Variants in EP400 observed in about 807,000 individuals in gnomAD.
The protein encoded by EP400 is E1A-binding protein p400.
A neutral mutation model predicts 354.1 loss-of-function variants in EP400; 105 were observed. The observed-to-expected ratio is 0.30, with a 90% CI of 0.25 to 0.35. EP400 has a LOEUF of 0.35. EP400 is among the 10% of genes least tolerant of loss of function. EP400 has a pLI of 1.00. For synonymous variants in EP400, 1,646 were observed against 1,716.9 expected (o/e 0.96, Z 1.02); for missense variants, 3,280 against 4,121.0 (o/e 0.80, Z 5.59).
rs1347432577 is a variant in EP400, at chr12:132,038,896, C to T, written c.6207+800C>T. 6.6e-6 allele frequency among the ~76,000 whole-genome samples: 1 copy of T among 152,230 alleles called. No homozygotes were observed. Among genetic ancestry groups the T allele is most frequent in the Non-Finnish European group, 1.5e-5 (1 of 68,050 alleles). On this transcript the variant is annotated intron_variant, in intron 32 of 52. Coordinates refer to ENST00000389561, the MANE Select transcript of EP400 (RefSeq NM_015409.5). The surrounding 1 kb of genome is among the most constrained non-coding windows in gnomAD (Gnocchi z 4.2). ...AGAACTTGTTGTGGGGTCCCCGTTTCTGTGCCTCTTACCTTGGAAGGATTT... is the reference window on the plus strand; with the variant it reads ...AGAACTTGTTGTGGGGTCCCCGTTTTTGTGCCTCTTACCTTGGAAGGATTT...
rs775451134 is a variant in EP400, at chr12:132,013,021, C to A, written c.3454C>A (p.Pro1152Thr). 2 of 1,611,376 alleles carry A rather than the reference C, an allele frequency of 1.2e-6. No homozygotes were observed. Among genetic ancestry groups the A allele is most frequent in the Non-Finnish European group, 1.7e-6 (2 of 1,178,712 alleles). ...CTCTGTGCTGCAGGAGTGGGCCGAA[C>A]CCAACAGCTTCCACGTCTGCATCAC... ...LKAKRQEWAE[P>T]NSFHVCITSY... Residue 1152 changes from proline to threonine, a missense_variant, in exon 17 of 53, where the codon CCC (proline) becomes ACC (threonine). By Grantham distance (38) the Pro-to-Thr change is conservative. Coordinates refer to ENST00000389561, the MANE Select transcript of EP400 (RefSeq NM_015409.5). The surrounding 1 kb of genome is among the most constrained non-coding windows in gnomAD (Gnocchi z 4.5).
Position 132,012,991 on chromosome 12 carries a change from G to A in EP400, c.3442-18G>A. On this transcript the variant is annotated intron_variant, in intron 16 of 52. Transcript: ENST00000389561. ...CAGTGGAGTGTGAAGGCACTGAGCT[G>A]TCCTCTCTGTGCTGCAGGAGTGGGC... The A allele has an allele frequency of 6.3e-7, 1 of 1,589,786 alleles. No individual in the cohort carries two copies. Among genetic ancestry groups the A allele is most frequent in the Middle Eastern group, 2.2e-4 (1 of 4,622 alleles).
chr12:131,952,227 T>C (rs1891530150), intron 1 of EP400, among the ~76,000 whole-genome samples: 2 of 130,066 alleles, frequency 1.5e-5, no homozygotes, highest in African/African-American at 5.9e-5. Context: ...GGGGTGAACC[T>C]GGGAGGCGGA....
chr12:132,009,133 A>G (rs1455197829), intron 15 of EP400, among the ~76,000 whole-genome samples: 1 of 149,170 alleles, frequency 6.7e-6, no homozygotes, highest in Non-Finnish European at 1.5e-5. Flanking sequence ...GGGTTTTGCC[A>G]TGTTGCCAGG....
intron 23 of EP400, among the ~76,000 whole-genome samples, chr12:132,021,819 C>T (rs1565918781): frequency 6.6e-6 from 1 of 152,212 alleles, no homozygotes; most frequent in Non-Finnish European, 1.5e-5. Flanking sequence ...ACCAAGATAA[C>T]TTGTAATAAT....
In EP400 at chr12:132,064,710, C is replaced by CCGCAG; in HGVS notation, c.8379_8383dup (p.Pro2795ArgfsTer46). On this transcript the variant is annotated frameshift_variant, in exon 48 of 53. Transcript: ENST00000389561. LOFTEE classifies it high-confidence loss of function. Reference sequence around the variant, plus strand: ...GCAGAAGCAGAAACTGCAGATGCCCCCGCAGCCCCCACCGCCACAGGCCCA... The same window carrying CCGCAG: ...GCAGAAGCAGAAACTGCAGATGCCCCCGCAGCGCAGCCCCCACCGCCACAGGCCCA... 1 of 1,613,634 alleles carries CCGCAG rather than the reference C, an allele frequency of 6.2e-7. No homozygotes were observed. Among genetic ancestry groups the CCGCAG allele is most frequent in the Non-Finnish European group, 8.5e-7 (1 of 1,179,732 alleles).
chr12:131,967,958 A>G (rs1344681225), intron 2 of EP400, among the ~76,000 whole-genome samples: 2 of 152,126 alleles, frequency 1.3e-5, no homozygotes, highest in Admixed American at 1.3e-4. Flanking sequence ...CCATTTTTTC[A>G]GAGTTATTAC....
Position 131,954,258 on chromosome 12 carries a change from G to A in EP400, c.-36+4222G>A, listed in dbSNP as rs115517129. 2.6e-3 allele frequency among the ~76,000 whole-genome samples: 399 copies of A among 151,798 alleles called. 2 individuals are homozygous for A. Among genetic ancestry groups the A allele is most frequent in the African/African-American group, 9.0e-3 (374 of 41,396 alleles). On this transcript the variant is annotated intron_variant, in intron 1 of 52. Transcript: ENST00000389561. The stretch of plus-strand genomic sequence containing the variant: ...AAAAAACCAACACATTTCAAAATGT[G>A]TGTGTGTCAGCGTCTCTGTAGAGAG...
rs758496992 is a variant in EP400 at position 132,064,791 on chromosome 12, C to T, written c.8458C>T (p.Gln2820Ter). Reference protein sequence around the residue: ...QVQVQTSQPPQQQSPQLTTVT... With the variant: ...QVQVQTSQPP ...GCAAGTGCAGACCTCGCAGCCGCCGCAGCAGCAGAGCCCCCAGCTCACGAC... is the reference window on the plus strand; with the variant it reads ...GCAAGTGCAGACCTCGCAGCCGCCGTAGCAGCAGAGCCCCCAGCTCACGAC... Residue 2820 changes from glutamine to a stop codon, truncating the protein, a stop_gained, in exon 48 of 53, where the codon CAG (glutamine) becomes TAG (stop). Coordinates refer to ENST00000389561, the MANE Select transcript of EP400 (RefSeq NM_015409.5). LOFTEE classifies it high-confidence loss of function. The T allele has an allele frequency of 1.2e-6, 2 of 1,613,000 alleles. No individual in the cohort carries two copies.
Position 132,044,204 on chromosome 12 carries a change from T to G in EP400, c.6478T>G (p.Trp2160Gly), listed in dbSNP as rs1895007744. ...CGCAGTGATGACTGCAGTGAGGGCA[T>G]GGGAGTTCTGGAACCTGAAGACCCT... ...EDAVMTAVRA[W>G]EFWNLKTLQE... Residue 2160 changes from tryptophan to glycine, a missense_variant, in exon 35 of 53, where the codon TGG becomes GGG. Transcript: ENST00000389561. 1 of 1,614,088 alleles carries G rather than the reference T, an allele frequency of 6.2e-7. No homozygotes were observed. The highest frequency in any genetic ancestry group is 1.1e-5 in the South Asian group (1 of 91,092).
At chr12:131,958,692 T>C (rs1891782518) in intron 1 of EP400, among the ~76,000 whole-genome samples, 1 of 152,210 alleles carries the variant, frequency 6.6e-6, no homozygotes, top group South Asian at 2.1e-4. Context: ...CTAATTTTTG[T>C]ATTTTTCTTG....
At chr12:131,997,150 G>T (rs1893241836) in intron 12 of EP400, among the ~76,000 whole-genome samples, 1 of 152,020 alleles carries the variant, frequency 6.6e-6, no homozygotes, top group African/African-American at 2.4e-5. Flanking sequence ...CACCTGCACT[G>T]TTGAAAATTT....
chr12:131,985,076 A>G (rs1052298965), intron 5 of EP400, among the ~76,000 whole-genome samples: 35 of 151,900 alleles, frequency 2.3e-4, no homozygotes, highest in Admixed American at 7.2e-4. Flanking sequence ...GGCTGGTCTG[A>G]AACTCCTAAC....
intron 48 of EP400, 192 bp downstream of exon 48, chr12:132,065,078 T>A: frequency 9.5e-7 from 1 of 1,048,002 alleles, no homozygotes; most frequent in Non-Finnish European, 1.3e-6. Flanking sequence ...CAGCAGCAGC[T>A]CCCAGAGCCC....
rs772352843 is a variant in EP400, at chr12:132,043,716, G to A, written c.6438G>A (p.Glu2146=). 1 of 1,605,962 alleles carries A rather than the reference G, an allele frequency of 6.2e-7. No individual in the cohort carries two copies. Among genetic ancestry groups the A allele is most frequent in the East Asian group, 2.2e-5 (1 of 44,828 alleles). Residue 2146 remains glutamate, a synonymous_variant, in exon 34 of 53, where the codon GAG becomes GAA. Coordinates refer to ENST00000389561, the MANE Select transcript of EP400 (RefSeq NM_015409.5). ...ATACTTCTATTGAGCAAGAAAAGGA[G>A]AGAAACAGTGAGGTAAGAGAATCAA... is the stretch of plus-strand genomic sequence containing the variant. The part of the protein sequence containing the change: ...LFHTSIEQEK[E]RNSEDAVMTA...
rs1054055082 is a variant in EP400 at position 132,067,588 on chromosome 12, C to T, written c.8874+102C>T. The T allele has an allele frequency of 8.7e-6, 13 of 1,491,224 alleles. No individual in the cohort carries two copies. The Admixed American group carries it at 1.0e-4, about 12-fold the overall frequency. The allele number at this position is 1,491,224 out of a possible 1,614,324, so 92.4% of individuals were successfully genotyped here. A position where few individuals can be genotyped will look rare whatever the true frequency, so the allele number is the denominator to read the frequency against. On this transcript the variant is annotated intron_variant, in intron 50 of 52. Transcript: ENST00000389561. The surrounding 1 kb of genome is among the most constrained non-coding windows in gnomAD (Gnocchi z 5.3). ...AGACAAATCCCCATGTGGCGGCTCA[C>T]GCTTTTCAGAGGGTGGCTTCAAGGG... is the stretch of plus-strand genomic sequence containing the variant.
rs1028275118 is a variant in EP400, at chr12:131,994,796, A to G, written c.2738-71A>G. On this transcript the variant is annotated intron_variant, in intron 11 of 52. Coordinates refer to ENST00000389561, the MANE Select transcript of EP400 (RefSeq NM_015409.5). This position sits in a 1 kb window ranked among gnomAD's most constrained non-coding sequence, Gnocchi z 4.6. ...CTATGCAAAATAATTTCGAAGCCTT[A>G]TAGTGTGTAATGAGTAACAGACACT... 1.5e-6 allele frequency: 2 copies of G among 1,324,650 alleles called. No homozygotes were observed. Among genetic ancestry groups the G allele is most frequent in the African/African-American group, 1.5e-5 (1 of 68,546 alleles). 82.1% of individuals were successfully genotyped at this position (1,324,650 alleles called of 1,614,324 possible).
chr12:132,063,101 G>A (rs182423704), intron 47 of EP400, among the ~76,000 whole-genome samples: 3 of 152,288 alleles, frequency 2.0e-5, no homozygotes, highest in Non-Finnish European at 4.4e-5. Flanking sequence ...GGTTTGTTTC[G>A]ATGTGGTTCA....
rs149734331 is a variant in EP400, at chr12:132,067,370, G to A, written c.8758G>A (p.Val2920Met). The A allele has an allele frequency of 1.5e-5, 24 of 1,613,350 alleles. No individual in the cohort carries two copies. The highest frequency in any genetic ancestry group is 6.7e-5 in the Admixed American group (4 of 60,004). ...GQPQKAAGQT[V>M]VAQPVHMQQL... ...GCTTTTGCTGCCTGCAGGACAGACCGTGGTGGCCCAGCCCGTGCACATGCA... is the reference window on the plus strand; with the variant it reads ...GCTTTTGCTGCCTGCAGGACAGACCATGGTGGCCCAGCCCGTGCACATGCA... Residue 2920 changes from valine to methionine, a missense_variant, in exon 50 of 53, where the codon GTG (valine) becomes ATG (methionine). Coordinates refer to ENST00000389561, the MANE Select transcript of EP400 (RefSeq NM_015409.5). The surrounding 1 kb of genome is among the most constrained non-coding windows in gnomAD (Gnocchi z 5.3).
Sources: allele counts gnomAD v4.1 joint callset (sites outside exome capture counted in the v4.1 genomes callset), GRCh38; gene constraint gnomAD v4.1.1; non-coding constraint Gnocchi (gnomAD v3.1); transcripts MANE v1.5; gene names NCBI Gene and HGNC (gene_info 2026-07-23, HGNC 2026-07-21).